SIGLEC7: variants seen among roughly 807,000 people sequenced by gnomAD.
The protein encoded by SIGLEC7 is sialic acid-binding Ig-like lectin 7.
SIGLEC7 carries 33 observed loss-of-function variants against 40.8 expected under a neutral mutation model. The observed-to-expected ratio is 0.81, with a 90% confidence interval of 0.61 to 1.08. The LOEUF (loss-of-function observed/expected upper bound fraction) is 1.08. Ranked by LOEUF, SIGLEC7 falls within the 50% of genes least tolerant of loss-of-function variation. SIGLEC7 has a pLI of 0.00. For synonymous variants in SIGLEC7, 242 were observed against 237.6 expected (o/e 1.02, Z -0.17); for missense variants, 513 against 576.1 (o/e 0.89, Z 1.12).
intron 6 of SIGLEC7, among the ~76,000 whole-genome samples, chr19:51,147,600 C>G (rs1020180627): frequency 6.6e-6 from 1 of 152,084 alleles, no homozygotes; most frequent in African/African-American, 2.4e-5. Flanking sequence ...TTTTTCCTCC[C>G]TAAGAATGGC....
rs1317344698 is a variant in SIGLEC7 at position 51,153,092 on chromosome 19, T to C, written c.1251T>C (p.Asp417=). The C allele has an allele frequency of 1.2e-6, 2 of 1,600,264 alleles. No individual in the cohort carries two copies. The highest frequency in any genetic ancestry group is 1.7e-6 in the Non-Finnish European group (2 of 1,173,472). ...ACCTGACTGAGTCCTGGGCAGATGA[T>C]AACCCCCGACACCATGGCCTGGCTG... is the stretch of plus-strand genomic sequence containing the variant. ...QGNLTESWAD[D]NPRHHGLAAH... The change falls in exon 7 of 7, where the codon GAT becomes GAC. Residue 417 remains aspartate, a synonymous_variant. Transcript: ENST00000317643.
rs373701051 is a variant in SIGLEC7, at chr19:51,142,660, C to G, written c.291C>G (p.Leu97=). ...VQEETRDRFH[L]LGDPQTKNCT... ...AGGAAACTCGGGACCGATTCCACCT[C>G]CTTGGGGACCCACAGACCAAAAATT... Residue 97 remains leucine (L), a synonymous_variant, in exon 1 of 7, where the codon CTC becomes CTG. Transcript: ENST00000317643. The surrounding 1 kb of genome is among the most constrained non-coding windows in gnomAD (Gnocchi z 5.0). 2 of 1,614,036 alleles carry G rather than the reference C, an allele frequency of 1.2e-6. No homozygotes were observed. Among genetic ancestry groups the G allele is most frequent in the African/African-American group, 1.3e-5 (1 of 74,910 alleles).
rs749886311 is a variant in SIGLEC7, at chr19:51,146,818, G to A, written c.1092G>A (p.Leu364=). The A allele has an allele frequency of 2.5e-6, 4 of 1,614,056 alleles. No homozygotes were observed. In the South Asian group the frequency reaches 4.4e-5, roughly 18 times the overall value. ...TCGGGGGAGCTGGAGCCACAGCCCT[G>A]GTCTTCCTCTCCTTCTGTGTCATCT... ...GAVGGAGATA[L]VFLSFCVIFI... Residue 364 remains leucine, a synonymous_variant, in exon 5 of 7, where the codon CTG becomes CTA. Coordinates refer to ENST00000317643, the MANE Select transcript of SIGLEC7 (RefSeq NM_014385.4).
In SIGLEC7 at chr19:51,142,459, G is replaced by T; in HGVS notation, c.90G>T (p.Met30Ile). The T allele has an allele frequency of 6.2e-7, 1 of 1,614,190 alleles. No individual in the cohort carries two copies. The highest frequency in any genetic ancestry group is 8.5e-7 in the Non-Finnish European group (1 of 1,180,026). ...KSNRKDYSLT[M>I]QSSVTVQEGM... ...ACCGGAAGGATTACTCGCTGACGAT[G>T]CAGAGTTCCGTGACCGTGCAAGAGG... is the stretch of plus-strand genomic sequence containing the variant. Residue 30 changes from methionine to isoleucine, a missense_variant, in exon 1 of 7, where the codon ATG becomes ATT. Met to Ile is a conservative substitution (Grantham distance 10). Coordinates refer to ENST00000317643, the MANE Select transcript of SIGLEC7 (RefSeq NM_014385.4). The surrounding 1 kb of genome is among the most constrained non-coding windows in gnomAD (Gnocchi z 5.0).
At chr19:51,147,044 C>A in intron 5 of SIGLEC7, 177 bp from the exon 6 acceptor site, 1 of 1,111,668 alleles carries the variant, frequency 9.0e-7, no homozygotes, top group Non-Finnish European at 1.3e-6. Flanking sequence ...CCTTGGGCCC[C>A]ACCACCCAGG....
At position 51,153,102 on chromosome 19, in the gene SIGLEC7, C is replaced by A; in HGVS notation, c.1261C>A (p.His421Asn). The A allele has an allele frequency of 6.2e-7, 1 of 1,604,948 alleles. No individual in the cohort carries two copies. The highest frequency in any genetic ancestry group is 8.5e-7 in the Non-Finnish European group (1 of 1,175,664). The change falls in exon 7 of 7, where the codon CAC (histidine) becomes AAC (asparagine). Residue 421 changes from histidine to asparagine, a missense_variant. By Grantham distance (68) the His-to-Asn change is moderately conservative. Coordinates refer to ENST00000317643, the MANE Select transcript of SIGLEC7 (RefSeq NM_014385.4). ...TESWADDNPRHHGLAAHSSGE... is the reference protein window; with the variant it reads ...TESWADDNPRNHGLAAHSSGE... Reference sequence around the variant, plus strand: ...GTCCTGGGCAGATGATAACCCCCGACACCATGGCCTGGCTGCCCACTCCTC... The same window carrying A: ...GTCCTGGGCAGATGATAACCCCCGAAACCATGGCCTGGCTGCCCACTCCTC...
chr19:51,150,389 A>G (rs111638514), intron 6 of SIGLEC7, among the ~76,000 whole-genome samples: 361 of 152,364 alleles, frequency 2.4e-3, no homozygotes, highest in African/African-American at 8.3e-3. Context: ...CCTTTTCTGC[A>G]TCTATTGAGA....
intron 6 of SIGLEC7, among the ~76,000 whole-genome samples, chr19:51,151,165 T>C (rs1288364226): frequency 6.6e-6 from 1 of 152,090 alleles, no homozygotes; most frequent in Non-Finnish European, 1.5e-5. Flanking sequence ...GTGGTAGACA[T>C]GACTGTCTCC....
rs970379303 is a variant in SIGLEC7, at chr19:51,144,450, T to C, written c.478T>C (p.Ser160Pro). 1.6e-5 allele frequency: 26 copies of C among 1,612,878 alleles called. No homozygotes were observed. Among genetic ancestry groups the C allele is most frequent in the Non-Finnish European group, 2.2e-5 (26 of 1,179,872 alleles). ...CATCCTTATCCCCGGTACCCTGGAGTCTGGCTGCTTCCAGAATCTGACCTG... is the reference window on the plus strand; with the variant it reads ...CATCCTTATCCCCGGTACCCTGGAGCCTGGCTGCTTCCAGAATCTGACCTG... The part of the protein sequence containing the change: ...PNILIPGTLE[S>P]GCFQNLTCSV... Residue 160 changes from serine to proline, a missense_variant, in exon 2 of 7, where the codon TCT becomes CCT. By Grantham distance (74) the Ser-to-Pro change is moderately conservative (BLOSUM62 -1). Transcript: ENST00000317643.
At position 51,144,610 on chromosome 19, in the gene SIGLEC7, C is replaced by T; in HGVS notation, c.638C>T (p.Thr213Ile). ...TLIPQPQHHG[T>I]SLTCQVTLPG... The stretch of plus-strand genomic sequence containing the variant: ...ATCCCACAGCCCCAGCACCACGGCA[C>T]CAGCCTCACCTGTCAGGTGACCTTG... The change falls in exon 2 of 7, where the codon ACC becomes ATC. Residue 213 changes from threonine (T) to isoleucine (I), a missense_variant. By Grantham distance (89) the Thr-to-Ile change is moderately conservative (BLOSUM62 -1). Transcript: ENST00000317643. 1.2e-6 allele frequency: 2 copies of T among 1,614,018 alleles called. No homozygotes were observed. The highest frequency in any genetic ancestry group is 1.7e-5 in the Admixed American group (1 of 60,028).
chr19:51,152,425 G>A (rs1256699347), intron 6 of SIGLEC7, among the ~76,000 whole-genome samples: 1 of 152,170 alleles, frequency 6.6e-6, no homozygotes, highest in East Asian at 1.9e-4. Flanking sequence ...TTGGGGAGCA[G>A]TTATACTTCT....
intron 6 of SIGLEC7, among the ~76,000 whole-genome samples, chr19:51,148,944 A>G (rs1351839889): frequency 6.6e-6 from 1 of 152,162 alleles, no homozygotes; most frequent in Non-Finnish European, 1.5e-5. Context: ...ATCAGCGATA[A>G]TGAGCTTTTT....
intron 6 of SIGLEC7, among the ~76,000 whole-genome samples, chr19:51,149,781 G>A (rs1029890903): frequency 6.6e-6 from 1 of 152,192 alleles, no homozygotes; most frequent in East Asian, 1.9e-4. Context: ...TTTTATCCAT[G>A]AGCATAGTAT....
In SIGLEC7 at chr19:51,144,648, G is replaced by A. The variant is rs777572884; in HGVS notation, c.676G>A (p.Val226Met). Residue 226 changes from valine (V) to methionine (M), a missense_variant, in exon 2 of 7, where the codon GTG becomes ATG. Physicochemically the swap from Val to Met is conservative, Grantham distance 21. Transcript: ENST00000317643. ...TCAGGTGACCTTGCCTGGGGCCGGC[G>A]TGACCACGAACAGGACCATCCAACT... ...TCQVTLPGAGVTTNRTIQLNV... is the reference protein window; with the variant it reads ...TCQVTLPGAGMTTNRTIQLNV... The A allele has an allele frequency of 7.1e-5, 114 of 1,613,746 alleles. No individual in the cohort carries two copies. The highest frequency in any genetic ancestry group is 9.2e-5 in the Non-Finnish European group (109 of 1,180,012).
In SIGLEC7 at chr19:51,144,605, C is replaced by T. The variant is rs201078343; in HGVS notation, c.633C>T (p.His211=). The T allele has an allele frequency of 2.9e-4, 473 of 1,613,948 alleles. 2 individuals are homozygous for T. The highest frequency in any genetic ancestry group is 4.4e-5 in the South Asian group (4 of 91,084). ...CCCTCATCCCACAGCCCCAGCACCA[C>T]GGCACCAGCCTCACCTGTCAGGTGA... ...VLTLIPQPQH[H]GTSLTCQVTL... is the part of the protein sequence containing the mutation. Residue 211 remains histidine, a synonymous_variant, in exon 2 of 7, where the codon CAC becomes CAT. Coordinates refer to ENST00000317643, the MANE Select transcript of SIGLEC7 (RefSeq NM_014385.4).
chr19:51,152,865 G>A, intron 6 of SIGLEC7, 198 bp from the exon 7 acceptor site: 1 of 421,354 alleles, frequency 2.4e-6, no homozygotes, highest in Non-Finnish European at 4.2e-6. Context: ...TGCTCAATAA[G>A]TGTTAAATAT....
chr19:51,147,010 G>C, intron 5 of SIGLEC7, 160 bp downstream of exon 5: 2 of 990,946 alleles, frequency 2.0e-6, no homozygotes, highest in South Asian at 1.6e-5. Context: ...GCCCTTGTCT[G>C]TGGGGCTCCA....
intron 6 of SIGLEC7, among the ~76,000 whole-genome samples, chr19:51,151,940 G>A (rs1710375): frequency 0.8 from 121,553 of 152,180 alleles, 50,929 homozygotes; most frequent in Non-Finnish European, 0.94. Context: ...ACCCTCCCAG[G>A]CAGCCTCTGT....
chr19:51,142,530 G>A lies in SIGLEC7; in HGVS notation c.161G>A (p.Ser54Asn), dbSNP rs267605605. The change falls in exon 1 of 7, where the codon AGC becomes AAC. Residue 54 changes from serine to asparagine, a missense_variant. Physicochemically the swap from Ser to Asn is conservative, Grantham distance 46. Transcript: ENST00000317643. The surrounding 1 kb of genome is among the most constrained non-coding windows in gnomAD (Gnocchi z 5.0). Reference sequence around the variant, plus strand: ...TGCTCCTTCTCCTACCCAGTGGACAGCCAGACTGACTCTGACCCAGTTCAT... The same window carrying A: ...TGCTCCTTCTCCTACCCAGTGGACAACCAGACTGACTCTGACCCAGTTCAT... ...VRCSFSYPVD[S>N]QTDSDPVHGY... 6.2e-7 allele frequency: 1 copy of A among 1,614,202 alleles called. No individual in the cohort carries two copies. The highest frequency in any genetic ancestry group is 8.5e-7 in the Non-Finnish European group (1 of 1,180,040).
Sources: allele counts gnomAD v4.1 joint callset (sites outside exome capture counted in the v4.1 genomes callset), GRCh38; gene constraint gnomAD v4.1.1; non-coding constraint Gnocchi (gnomAD v3.1); transcripts MANE v1.5; gene names NCBI Gene and HGNC (gene_info 2026-07-23, HGNC 2026-07-21).